The following CNOT10 variants were observed in gnomAD, a reference collection of about 807,000 sequenced individuals.
CNOT10 encodes CCR4-NOT transcription complex, subunit 10.
In CNOT10, 30 loss-of-function variants were observed where a neutral mutation model predicts 94.6. The ratio of observed to expected loss-of-function variants is 0.32; its 90% confidence interval spans 0.24 to 0.43. The LOEUF (loss-of-function observed/expected upper bound fraction) is 0.43. Ranked by LOEUF, CNOT10 falls within the 20% of genes least tolerant of loss-of-function variation. The pLI is 1.00. For synonymous variants in CNOT10, 289 were observed against 301.6 expected, an observed-to-expected ratio of 0.96 and a Z score of 0.43; for missense variants, 759 against 877.2, an observed-to-expected ratio of 0.87 and a Z score of 1.70.
chr3:32,718,583 C>CA (rs368048572), intron 7 of CNOT10, among the ~76,000 whole-genome samples: 45,950 of 73,914 alleles, frequency 0.62, 13,990 homozygotes, highest in East Asian at 0.72. Flanking sequence ...GACTCATTCT[C>CA]AAAAAAAAAA....
chr3:32,698,904 G>A (rs1387895424), intron 1 of CNOT10, among the ~76,000 whole-genome samples: 3 of 152,138 alleles, frequency 2.0e-5, no homozygotes, highest in African/African-American at 7.2e-5. Context: ...TCCCACCTTC[G>A]CCTCGCTTGT....
At chr3:32,726,694 CATAATAATA>C (rs55674577) in intron 9 of CNOT10, among the ~76,000 whole-genome samples, 7,453 of 141,670 alleles carry the variant, frequency 0.053, 409 homozygotes, top group African/African-American at 0.14. Flanking sequence ...AGACTCTGTC[CATAATAATA>C]ATAATAATAA....
intron 8 of CNOT10, among the ~76,000 whole-genome samples, chr3:32,724,415 T>G (rs1160737378): frequency 6.7e-6 from 1 of 148,514 alleles, no homozygotes; most frequent in Non-Finnish European, 1.5e-5. Context: ...CCGGCTAATT[T>G]TTTTTTTTTT....
intron 4 of CNOT10, among the ~76,000 whole-genome samples, 175 bp from the exon 5 acceptor site, chr3:32,713,052 G>T (rs7642441): frequency 0.039 from 5,947 of 152,306 alleles, 185 homozygotes; most frequent in African/African-American, 0.078. Context: ...CTAGTAAAAT[G>T]ACATTGTTGG....
Position 32,727,876 on chromosome 3 carries a change from T to C in CNOT10, c.1215+6T>C, listed in dbSNP as rs781002000. ...GCATTGCTGCCAATAAGGGGGTGAGTGCTACTTGGGTATCTTTTTAAACCC... is the reference window on the plus strand; with the variant it reads ...GCATTGCTGCCAATAAGGGGGTGAGCGCTACTTGGGTATCTTTTTAAACCC... On this transcript the variant is annotated splice_donor_region_variant and intron_variant, in intron 10 of 18. Transcript: ENST00000328834. 33 of 1,608,174 alleles carry C rather than the reference T, an allele frequency of 2.1e-5. No homozygotes were observed. The highest frequency in any genetic ancestry group is 1.8e-4 in the Middle Eastern group (1 of 5,440).
intron 15 of CNOT10, among the ~76,000 whole-genome samples, chr3:32,763,325 GAA>G: frequency 6.6e-6 from 1 of 151,688 alleles, no homozygotes; most frequent in Middle Eastern, 3.4e-3. Context: ...AATAAGGAAA[GAA>G]AAAAAAGTTT....
intron 13 of CNOT10, among the ~76,000 whole-genome samples, chr3:32,750,771 C>T (rs754871007): frequency 6.6e-6 from 1 of 151,942 alleles, no homozygotes; most frequent in Non-Finnish European, 1.5e-5. Flanking sequence ...AGGCTGGTCT[C>T]GAACTCCTGA....
At chr3:32,769,181 A>T (rs1486879308) in intron 17 of CNOT10, 1 of 152,284 alleles carries the variant, frequency 6.6e-6, no homozygotes, top group Non-Finnish European at 1.5e-5. Context: ...TCTGGAAGCA[A>T]TGAGCAACTA....
At chr3:32,705,297 T>G (rs1697565253) in intron 3 of CNOT10, among the ~76,000 whole-genome samples, 1 of 152,220 alleles carries the variant, frequency 6.6e-6, no homozygotes, top group Non-Finnish European at 1.5e-5. Flanking sequence ...AAAATATGAT[T>G]AATCCTAATG....
At chr3:32,772,627 A>G (rs570189940) in intron 18 of CNOT10, among the ~76,000 whole-genome samples, 2 of 151,996 alleles carry the variant, frequency 1.3e-5, no homozygotes, top group African/African-American at 4.8e-5. Context: ...AATCTGGGAG[A>G]TGGAGGTTGC....
At position 32,712,382 on chromosome 3, in the gene CNOT10, G is replaced by A. The variant is rs116184997; in HGVS notation, c.431-845G>A. Among the ~76,000 whole-genome samples, 282 of 152,286 alleles carry A rather than the reference G, an allele frequency of 1.9e-3. 1 individual carries two copies. Among genetic ancestry groups the A allele is most frequent in the African/African-American group, 6.6e-3 (273 of 41,568 alleles). ...ATACCTAGTTAGTGGCTGAATAGGT[G>A]CAGATTGAGTATCCCTTATCCAAAA... On this transcript the variant is annotated intron_variant, in intron 4 of 18. Coordinates refer to ENST00000328834, the MANE Select transcript of CNOT10 (RefSeq NM_015442.3).
At chr3:32,764,182 C>G (rs940219555) in intron 15 of CNOT10, 7 of 352,724 alleles carry the variant, frequency 2.0e-5, no homozygotes, top group African/African-American at 1.5e-4. Context: ...ACTAAAAATA[C>G]AAAAACTAGC....
rs1168224335 is a variant in CNOT10, at chr3:32,765,651, T to TC, written c.2004+848dup. 2.0e-3 allele frequency among the ~76,000 whole-genome samples: 92 copies of TC among 45,006 alleles called. 41 individuals carry two copies. The highest frequency in any genetic ancestry group is 9.7e-3 in the East Asian group (14 of 1,436). The allele number at this position is 45,006 out of a possible 152,430, so 29.5% of individuals were successfully genotyped here. A position where few individuals can be genotyped will look rare whatever the true frequency, so the allele number is the denominator to read the frequency against. On this transcript the variant is annotated intron_variant, in intron 17 of 18. Transcript: ENST00000328834. ...CCTGGGCAACTGGAGTGAGACCCTG[T>TC]CCCCCCAAAAAAAAAAGACAAAAGA...
chr3:32,721,808 G>A (rs906332816), intron 8 of CNOT10, among the ~76,000 whole-genome samples: 31 of 151,464 alleles, frequency 2.0e-4, no homozygotes, highest in African/African-American at 5.3e-4. Flanking sequence ...CACCGCGCCC[G>A]GCTAATTTTT....
chr3:32,756,125 G>A (rs1700216605), intron 13 of CNOT10, among the ~76,000 whole-genome samples: 1 of 152,156 alleles, frequency 6.6e-6, no homozygotes, highest in African/African-American at 2.4e-5. Context: ...GGAAAAGGAG[G>A]ATGAGTGTGA....
chr3:32,686,602 CAG>C (rs1696611045), intron 1 of CNOT10, among the ~76,000 whole-genome samples: 1 of 152,014 alleles, frequency 6.6e-6, no homozygotes, highest in South Asian at 2.1e-4. Context: ...GATATTTGAG[CAG>C]AGATATGTAA....
chr3:32,772,931 T>A (rs1019538238), intron 18 of CNOT10, among the ~76,000 whole-genome samples: 2 of 152,186 alleles, frequency 1.3e-5, no homozygotes, highest in African/African-American at 4.8e-5. Context: ...AGTGGCGTGA[T>A]CTTGGCTCAC....
At chr3:32,688,884 G>A (rs2125486351) in intron 1 of CNOT10, among the ~76,000 whole-genome samples, 1 of 152,104 alleles carries the variant, frequency 6.6e-6, no homozygotes, top group East Asian at 1.9e-4. Flanking sequence ...CACTGTCCAG[G>A]CAACAGGATG....
chr3:32,704,048 T>C (rs1446988025), intron 2 of CNOT10, 86 bp downstream of exon 2: 10 of 767,686 alleles, frequency 1.3e-5, no homozygotes, highest in South Asian at 7.6e-5. Flanking sequence ...AAATTTACAA[T>C]TTTTACTCTG....
Sources: gnomAD v4.1 joint callset for allele counts (sites outside exome capture counted in the v4.1 genomes callset) on GRCh38, gnomAD v4.1.1 for gene constraint, MANE v1.5 for transcripts, NCBI Gene and HGNC (gene_info 2026-07-23, HGNC 2026-07-21) for gene names.